The following LRRIQ1 variants were observed in gnomAD, a reference collection of about 807,000 sequenced individuals.
The protein encoded by LRRIQ1 is leucine rich repeats and IQ motif containing 1, also known as leucine-rich repeat- and IQ domain-containing protein 1.
Under a neutral mutation model 211.9 loss-of-function variants are expected in LRRIQ1, and 210 were observed. The ratio of observed to expected loss-of-function variants is 0.99; its 90% CI spans 0.89 to 1.11. The LOEUF (loss-of-function observed/expected upper bound fraction) is 1.11, where lower values mean the gene tolerates loss of function less well. Ranked by LOEUF, LRRIQ1 falls within the 50% of genes most tolerant of loss-of-function variation. The pLI is 0.00. For missense variants in LRRIQ1, 2,136 were observed against 1,939.5 expected, an observed-to-expected ratio of 1.10 and a Z score of -1.90; for synonymous variants, 699 against 650.1, an observed-to-expected ratio of 1.08 and a Z score of -1.14.
At chr12:85,253,072 A>C (rs1895994762) in intron 1 of LRRIQ1, among the ~76,000 whole-genome samples, 1 of 152,030 alleles carries the variant, frequency 6.6e-6, no homozygotes, top group Admixed American at 6.6e-5. Flanking sequence ...CTTACGTGAA[A>C]TAGGCTTTTT....
intron 24 of LRRIQ1, among the ~76,000 whole-genome samples, chr12:85,170,864 C>T (rs1240241780): frequency 6.6e-6 from 1 of 152,010 alleles, no homozygotes; most frequent in African/African-American, 2.4e-5. Flanking sequence ...TTTGATGTTA[C>T]TTGCCTAGGT....
intron 24 of LRRIQ1, among the ~76,000 whole-genome samples, chr12:85,189,923 T>C (rs1352745932): frequency 1.4e-5 from 2 of 143,448 alleles, no homozygotes; most frequent in Non-Finnish European, 3.0e-5. Flanking sequence ...CAGTTAATAA[T>C]ATAAATAATA....
At chr12:85,107,839 T>C (rs1886890979) in intron 15 of LRRIQ1, among the ~76,000 whole-genome samples, 1 of 152,216 alleles carries the variant, frequency 6.6e-6, no homozygotes, top group Non-Finnish European at 1.5e-5. Context: ...ATTTTTCATT[T>C]CTGATTGCAG....
intron 25 of LRRIQ1, among the ~76,000 whole-genome samples, chr12:85,231,998 G>A (rs545243871): frequency 6.6e-6 from 1 of 152,150 alleles, no homozygotes; most frequent in African/African-American, 2.4e-5. Flanking sequence ...AAGAGGTCTT[G>A]TTCAGAAAAT....
At chr12:85,122,382 A>G (rs1031950477) in intron 16 of LRRIQ1, among the ~76,000 whole-genome samples, 4 of 152,172 alleles carry the variant, frequency 2.6e-5, no homozygotes, top group African/African-American at 4.8e-5. Flanking sequence ...GCACCCATTT[A>G]GACTACAGAA....
intron 15 of LRRIQ1, among the ~76,000 whole-genome samples, chr12:85,120,827 T>C (rs1469011684): frequency 6.6e-6 from 1 of 152,224 alleles, no homozygotes; most frequent in Non-Finnish European, 1.5e-5. Context: ...AAAAGAGACC[T>C]ACACTCTCTC....
chr12:85,201,128 G>A (rs1198929340), intron 24 of LRRIQ1, among the ~76,000 whole-genome samples: 3 of 152,012 alleles, frequency 2.0e-5, no homozygotes, highest in East Asian at 3.9e-4. Context: ...ACCACGCCTG[G>A]CCGATGGTTT....
intron 24 of LRRIQ1, among the ~76,000 whole-genome samples, chr12:85,192,236 T>A (rs1277125949): frequency 6.6e-6 from 1 of 150,824 alleles, no homozygotes; most frequent in Non-Finnish European, 1.5e-5. Context: ...TAGCTGCCAC[T>A]TATACATGAG....
intron 19 of LRRIQ1, among the ~76,000 whole-genome samples, chr12:85,149,828 T>C (rs544913915): frequency 2.2e-4 from 34 of 151,908 alleles, no homozygotes; most frequent in Middle Eastern, 3.4e-3. Context: ...AGATAGTAGT[T>C]AAATAATTGT....
chr12:85,191,691 A>G (rs564130682), intron 24 of LRRIQ1, among the ~76,000 whole-genome samples: 12 of 151,992 alleles, frequency 7.9e-5, no homozygotes, highest in Non-Finnish European at 1.6e-4. Context: ...GTGACTGCTG[A>G]ATTGTATGGC....
intron 24 of LRRIQ1, among the ~76,000 whole-genome samples, chr12:85,164,914 G>A (rs1253649257): frequency 6.6e-6 from 1 of 151,972 alleles, no homozygotes; most frequent in Non-Finnish European, 1.5e-5. Flanking sequence ...ATTAAAATAA[G>A]GTAAAACTCT....
At chr12:85,200,409 A>G (rs906288962) in intron 24 of LRRIQ1, among the ~76,000 whole-genome samples, 16 of 151,844 alleles carry the variant, frequency 1.1e-4, no homozygotes, top group Admixed American at 6.6e-4. Flanking sequence ...CTGCAAATAG[A>G]GATAGTCTGA....
intron 10 of LRRIQ1, among the ~76,000 whole-genome samples, chr12:85,067,944 C>T (rs1469362964): frequency 1.3e-5 from 2 of 151,932 alleles, no homozygotes; most frequent in Non-Finnish European, 1.5e-5. Flanking sequence ...TACCTCTTAT[C>T]ACCCAACTTC....
chr12:85,095,406 T>C (rs1565827432), intron 11 of LRRIQ1, among the ~76,000 whole-genome samples: 1 of 152,228 alleles, frequency 6.6e-6, no homozygotes, highest in Non-Finnish European at 1.5e-5. Context: ...GCTTATGTGG[T>C]GAATTACATT....
chr12:85,102,959 A>AAATATATAT (rs1458673370), intron 13 of LRRIQ1, among the ~76,000 whole-genome samples: 15 of 108,466 alleles, frequency 1.4e-4, no homozygotes, highest in African/African-American at 6.2e-4. Flanking sequence ...AAAAAAAAAA[A>AAATATATAT]ATATATATAT....
chr12:85,135,655 A>G (rs942979803), intron 18 of LRRIQ1, among the ~76,000 whole-genome samples: 1 of 90,960 alleles, frequency 1.1e-5, no homozygotes, highest in African/African-American at 4.2e-5. Flanking sequence ...AAGGTCACCA[A>G]AATGGGTACT....
intron 24 of LRRIQ1, among the ~76,000 whole-genome samples, chr12:85,192,349 T>A (rs1456079705): frequency 6.9e-6 from 1 of 144,276 alleles, no homozygotes; most frequent in Non-Finnish European, 1.5e-5. Flanking sequence ...ATTCTTTTTT[T>A]ATGGCTCTGT....
chr12:85,068,786 C>CT (rs1232759930), intron 10 of LRRIQ1, among the ~76,000 whole-genome samples: 109 of 141,816 alleles, frequency 7.7e-4, no homozygotes, highest in Admixed American at 3.1e-3. Context: ...GTCCTCACGG[C>CT]TTTTTTTTTT....
intron 24 of LRRIQ1, among the ~76,000 whole-genome samples, chr12:85,181,255 T>TA (rs1362193837): frequency 6.6e-6 from 1 of 151,946 alleles, no homozygotes; most frequent in East Asian, 1.9e-4. Flanking sequence ...CAGATGTTGA[T>TA]ATATGCTTTA....
Sources: gnomAD v4.1 joint callset for allele counts (sites outside exome capture counted in the v4.1 genomes callset) on GRCh38, gnomAD v4.1.1 for gene constraint, MANE v1.5 for transcripts, NCBI Gene and HGNC (gene_info 2026-07-23, HGNC 2026-07-21) for gene names.